Variants in RBM4B observed in about 807,000 individuals in gnomAD.
RBM4B encodes the protein RNA-binding protein 4B.
A neutral mutation model predicts 28.5 loss-of-function variants in RBM4B; 13 were observed. The observed-to-expected ratio is 0.46, with a 90% CI of 0.30 to 0.72. The LOEUF is 0.72. Among genes scored for constraint, RBM4B ranks in the 30% least tolerant of loss-of-function variants. RBM4B has a pLI of 0.09. For synonymous variants in RBM4B, 167 were observed against 179.1 expected, an observed-to-expected ratio of 0.93 and a Z score of 0.54; for missense variants, 387 against 477.6, an observed-to-expected ratio of 0.81 and a Z score of 1.77.
chr11:66,670,754 G>T (rs1939434866), intron 2 of RBM4B, among the ~76,000 whole-genome samples: 2 of 151,582 alleles, frequency 1.3e-5, no homozygotes, highest in Admixed American at 6.6e-5. Context: ...GTTGCAGTGA[G>T]TGGAGATCAT....
chr11:66,666,565 A>G (rs917089233), intron 3 of RBM4B: 5 of 368,352 alleles, frequency 1.4e-5, no homozygotes, highest in African/African-American at 8.8e-5. Flanking sequence ...TGCAGTCAAA[A>G]TTCATTTTAA....
intron 3 of RBM4B, chr11:66,666,214 C>G: frequency 1.1e-6 from 1 of 870,122 alleles, no homozygotes. Context: ...TCTAATCCTT[C>G]TATTGATGAT....
At chr11:66,669,340 T>A (rs1241027921) in intron 2 of RBM4B, 49 bp from the exon 3 acceptor site, 1 of 1,545,380 alleles carries the variant, frequency 6.5e-7, no homozygotes, top group South Asian at 1.2e-5. Context: ...CTTGACATTC[T>A]TTTTCCTCTC....
chr11:66,670,779 G>A (rs2135240921), intron 2 of RBM4B, among the ~76,000 whole-genome samples: 1 of 150,988 alleles, frequency 6.6e-6, no homozygotes, highest in Non-Finnish European at 1.5e-5. Flanking sequence ...CTGCAATCCT[G>A]CCTGGGCAAC....
At chr11:66,673,498 T>A (rs1371771340) in intron 2 of RBM4B, among the ~76,000 whole-genome samples, 1 of 152,236 alleles carries the variant, frequency 6.6e-6, no homozygotes, top group African/African-American at 2.4e-5. Context: ...CTTGCTCTGC[T>A]GCCCAGGCTA....
In RBM4B at chr11:66,677,032, C is replaced by T; in HGVS notation, c.48G>A (p.Gln16=). Residue 16 remains glutamine, a synonymous_variant, in exon 2 of 4, where the codon CAG becomes CAA. Transcript: ENST00000310046. ...ACTGCTCGAAGAGTGAGCGAATCTC[C>T]TGCTCTGTAGCCTCCCGGGGAAGGT... ...IGNLPREATE[Q]EIRSLFEQYG... The T allele has an allele frequency of 6.2e-7, 1 of 1,614,158 alleles. No homozygotes were observed. Among genetic ancestry groups the T allele is most frequent in the Non-Finnish European group, 8.5e-7 (1 of 1,180,022 alleles).
intron 2 of RBM4B, among the ~76,000 whole-genome samples, chr11:66,672,363 T>C (rs1167445844): frequency 7.0e-6 from 1 of 143,858 alleles, no homozygotes; most frequent in Non-Finnish European, 1.5e-5. Flanking sequence ...TGAGCTGAGA[T>C]TGTGCCACTG....
intron 2 of RBM4B, among the ~76,000 whole-genome samples, chr11:66,670,636 G>A (rs186673657): frequency 1.2e-4 from 19 of 152,226 alleles, no homozygotes; most frequent in Admixed American, 7.2e-4. Context: ...TTAGTCCCAG[G>A]TTGCACAAGA....
chr11:66,670,922 T>C, intron 2 of RBM4B: 2 of 702,578 alleles, frequency 2.8e-6, no homozygotes, highest in East Asian at 5.4e-5. Flanking sequence ...CAAGTTGCTC[T>C]CTCTTTAACA....
In RBM4B at chr11:66,665,266, A is replaced by G. The variant is rs1939182641; in HGVS notation, c.*322T>C. ...GGAGATGCTGCAGGTAGGCAGGGAG[A>G]AGGATTCAACTCCTAGGGAAAGCAA... On this transcript the variant is annotated 3_prime_UTR_variant, in exon 4 of 4. Transcript: ENST00000310046. 2 of 374,082 alleles carry G rather than the reference A, an allele frequency of 5.3e-6. No individual in the cohort carries two copies. Among genetic ancestry groups the G allele is most frequent in the Admixed American group, 4.4e-5 (1 of 22,928 alleles). The allele number at this position is 374,082 out of a possible 1,614,324, so 23.2% of individuals were successfully genotyped here.
rs943843459 is a variant in RBM4B, at chr11:66,668,870, G to A, written c.834C>T (p.Asn278=). ...VDPYDRHLLP[N]SGAAATSAAM... is the part of the protein sequence containing the mutation. ...CAGCTGAAGTGGCAGCAGCGCCAGA[G>A]TTTGGCAATAGGTGTCTGTCATAGG... is the stretch of plus-strand genomic sequence containing the variant. The change falls in exon 3 of 4, where the codon AAC becomes AAT. Residue 278 remains asparagine, a synonymous_variant. Transcript: ENST00000310046. 1 of 1,614,114 alleles carries A rather than the reference G, an allele frequency of 6.2e-7. No individual in the cohort carries two copies. Among genetic ancestry groups the A allele is most frequent in the African/African-American group, 1.3e-5 (1 of 74,940 alleles).
Position 66,669,097 on chromosome 11 carries a change from T to C in RBM4B, c.607A>G (p.Met203Val). 2 of 1,614,178 alleles carry C rather than the reference T, an allele frequency of 1.2e-6. No individual in the cohort carries two copies. Among genetic ancestry groups the C allele is most frequent in the Non-Finnish European group, 1.7e-6 (2 of 1,180,040 alleles). The change falls in exon 3 of 4, where the codon ATG (methionine) becomes GTG (valine). Residue 203 changes from methionine to valine, a missense_variant. Physicochemically the swap from Met to Val is conservative, Grantham distance 21. Transcript: ENST00000310046. ...QYGAVRTPYT[M>V]GYGESMYYND... ...TAATACATGGATTCCCCGTAGCCCATGGTGTAAGGTGTTCGAACTGCTCCA... is the reference window on the plus strand; with the variant it reads ...TAATACATGGATTCCCCGTAGCCCACGGTGTAAGGTGTTCGAACTGCTCCA...
chr11:66,668,580 A>ATT, intron 3 of RBM4B, 35 bp downstream of exon 3: 1 of 1,524,502 alleles, frequency 6.6e-7, no homozygotes. Flanking sequence ...AGGGAACTAA[A>ATT]TGGAATCTTT....
intron 2 of RBM4B, chr11:66,675,640 T>C (rs1939611191): frequency 6.6e-6 from 1 of 152,216 alleles, no homozygotes; most frequent in Non-Finnish European, 1.5e-5. Flanking sequence ...AAAAAGGTGT[T>C]GACTTAGGAA....
chr11:66,677,575 C>G, intron 1 of RBM4B, 189 bp downstream of exon 1: 1 of 158,796 alleles, frequency 6.3e-6, no homozygotes, highest in Non-Finnish European at 1.4e-5. Flanking sequence ...AGCTTCTTCG[C>G]CCCAACAAAG....
At chr11:66,675,764 T>G (rs1285357684) in intron 2 of RBM4B, 1 of 152,246 alleles carries the variant, frequency 6.6e-6, no homozygotes, top group Non-Finnish European at 1.5e-5. Flanking sequence ...TGTGTCTCTA[T>G]TAATACGGTA....
In RBM4B at chr11:66,672,414, A is replaced by G. The variant is rs1006137214; in HGVS notation, c.413-3123T>C. 3.9e-4 allele frequency among the ~76,000 whole-genome samples: 58 copies of G among 150,604 alleles called. 1 individual carries two copies. Among genetic ancestry groups the G allele is most frequent in the Non-Finnish European group, 2.7e-4 (18 of 67,642 alleles). The stretch of plus-strand genomic sequence containing the variant: ...AATAGAGCAAGACTGTCTAAAAAAA[A>G]AAAAAAAAAAAAAAACCCACAAAAA... On this transcript the variant is annotated intron_variant, in intron 2 of 3. Transcript: ENST00000310046.
At chr11:66,676,363 G>A (rs1401673434) in intron 2 of RBM4B, 3 of 529,416 alleles carry the variant, frequency 5.7e-6, no homozygotes, top group Non-Finnish European at 6.6e-6. Context: ...CTCTCATGAG[G>A]TACTCGTTTC....
rs1939509769 is a variant in RBM4B, at chr11:66,672,762, G to A, written c.413-3471C>T. ...TCCGCCTGTCTCGGCCTCCCAAAGG[G>A]CTGGGATTACAGGCATGAGCCACCA... On this transcript the variant is annotated intron_variant, in intron 2 of 3. Transcript: ENST00000310046. Among the ~76,000 whole-genome samples the A allele has an allele frequency of 5.3e-5, 8 of 152,290 alleles. No homozygotes were observed. The South Asian group carries it at 1.7e-3, about 32-fold the overall frequency.
Sources: gnomAD v4.1 joint callset for allele counts (sites outside exome capture counted in the v4.1 genomes callset) on GRCh38, gnomAD v4.1.1 for gene constraint, MANE v1.5 for transcripts, NCBI Gene and HGNC (gene_info 2026-07-23, HGNC 2026-07-21) for gene names.